The following GALNT15 variants were observed in gnomAD, a reference collection of about 807,000 sequenced individuals.
GALNT15 encodes UDP-GalNAc transferase T15.
GALNT15 carries 67 observed loss-of-function variants against 66.8 expected under a neutral mutation model. The observed-to-expected ratio is 1.00, with a 90% CI of 0.82 to 1.23. GALNT15 has a LOEUF of 1.23. GALNT15 is among the 50% of genes most tolerant of loss of function. The pLI is 0.00. For synonymous variants in GALNT15, 313 were observed against 311.5 expected (o/e 1.00, Z -0.05); for missense variants, 827 against 804.3 (o/e 1.03, Z -0.34).
chr3:16,222,481 T>C lies in GALNT15; in HGVS notation c.1630-134T>C, dbSNP rs533820823. ...TGTTTTTGGACTTGACCATGAGATA[T>C]GGTCTTTCTGACCCCGATAGAATCT... is the stretch of plus-strand genomic sequence containing the variant. On this transcript the variant is annotated intron_variant, in intron 8 of 9. Transcript: ENST00000339732. 516 of 1,050,556 alleles carry C rather than the reference T, an allele frequency of 4.9e-4. 1 individual carries two copies. The highest frequency in any genetic ancestry group is 6.9e-4 in the Non-Finnish European group (483 of 703,282). 65.1% of individuals were successfully genotyped at this position (1,050,556 alleles called of 1,614,324 possible).
At chr3:16,207,779 A>G (rs1416967214) in intron 3 of GALNT15, among the ~76,000 whole-genome samples, 5 of 152,138 alleles carry the variant, frequency 3.3e-5, no homozygotes, top group South Asian at 2.1e-4. Context: ...AATATTTTTT[A>G]TATGGACATG....
At chr3:16,179,491 T>C (rs2063446986) in intron 1 of GALNT15, among the ~76,000 whole-genome samples, 1 of 152,130 alleles carries the variant, frequency 6.6e-6, no homozygotes. Context: ...GCATCCTTGA[T>C]GGTGCTGAGG....
At position 16,204,881 on chromosome 3, in the gene GALNT15, G is replaced by A. The variant is rs1409544099; in HGVS notation, c.912-3622G>A. On this transcript the variant is annotated intron_variant, in intron 3 of 9. Transcript: ENST00000339732. The surrounding 1 kb of genome is among the most constrained non-coding windows in gnomAD (Gnocchi z 4.5). ...AGCAGTGTAAGAACCCCTTGTGCTT[G>A]TGCATGTGAGTCAGTGTGTGTGTGT... 1.3e-5 allele frequency among the ~76,000 whole-genome samples: 2 copies of A among 152,218 alleles called. No individual in the cohort carries two copies. Among genetic ancestry groups the A allele is most frequent in the Admixed American group, 6.5e-5 (1 of 15,286 alleles).
rs1491187404 is a variant in GALNT15, at chr3:16,203,543, T to TCTCTCTCTCACACA, written c.911+2721_911+2722insTCTCTCTCACACAC. On this transcript the variant is annotated intron_variant, in intron 3 of 9. Transcript: ENST00000339732. The surrounding 1 kb of genome is among the most constrained non-coding windows in gnomAD (Gnocchi z 6.2). The stretch of plus-strand genomic sequence containing the variant: ...CATTCTCTCTCTCTCTCTCTCTCTC[T>TCTCTCTCTCACACA]CACACACACACACACACACACACAC... 1.6e-5 allele frequency among the ~76,000 whole-genome samples: 1 copy of TCTCTCTCTCACACA among 61,106 alleles called. No homozygotes were observed. Among genetic ancestry groups the TCTCTCTCTCACACA allele is most frequent in the African/African-American group, 5.5e-5 (1 of 18,252 alleles). The allele number at this position is 61,106 out of a possible 152,430, so 40.1% of individuals were successfully genotyped here.
Position 16,176,723 on chromosome 3 carries a change from A to G in GALNT15, c.539+1033A>G, listed in dbSNP as rs1178256017. 6.6e-6 allele frequency among the ~76,000 whole-genome samples: 1 copy of G among 152,158 alleles called. No homozygotes were observed. The highest frequency in any genetic ancestry group is 1.5e-5 in the Non-Finnish European group (1 of 68,022). ...ATTTAGGTCCCTTTTCCTATAGGCC[A>G]TTGCTCCTCCCAGAGCCTGGAGAGT... On this transcript the variant is annotated intron_variant, in intron 1 of 9. Transcript: ENST00000339732. The surrounding 1 kb of genome is among the most constrained non-coding windows in gnomAD (Gnocchi z 5.6).
chr3:16,203,155 G>A lies in GALNT15; in HGVS notation c.911+2332G>A, dbSNP rs1051490411. Among the ~76,000 whole-genome samples the A allele has an allele frequency of 6.6e-6, 1 of 152,090 alleles. No homozygotes were observed. The highest frequency in any genetic ancestry group is 6.5e-5 in the Admixed American group (1 of 15,272). On this transcript the variant is annotated intron_variant, in intron 3 of 9. Coordinates refer to ENST00000339732, the MANE Select transcript of GALNT15 (RefSeq NM_054110.5). The surrounding 1 kb of genome is among the most constrained non-coding windows in gnomAD (Gnocchi z 6.2). ...GCTGAGTCAGATTTTCTGACTCTGGGTCCAGTGCTGTTTTTATTGTGTACA... is the reference window on the plus strand; with the variant it reads ...GCTGAGTCAGATTTTCTGACTCTGGATCCAGTGCTGTTTTTATTGTGTACA...
the GALNT15 span, chr3:16,244,091 C>T: frequency 2.5e-6 from 2 of 788,912 alleles, no homozygotes; most frequent in Admixed American, 6.2e-5. Flanking sequence ...ACAATCAAGA[C>T]AGAAGAACAG....
In GALNT15 at chr3:16,189,920, T is replaced by C. The variant is rs949078017; in HGVS notation, c.540-5840T>C. ...GTCTGGAGACTGTTGAAAGCAAGGA[T>C]AGTTCTCAGAGAGCTTATGGTACTT... On this transcript the variant is annotated intron_variant, in intron 1 of 9. Transcript: ENST00000339732. This position sits in a 1 kb window ranked among gnomAD's most constrained non-coding sequence, Gnocchi z 5.1. Among the ~76,000 whole-genome samples, 1 of 152,188 alleles carries C rather than the reference T, an allele frequency of 6.6e-6. No homozygotes were observed. The highest frequency in any genetic ancestry group is 2.4e-5 in the African/African-American group (1 of 41,436).
chr3:16,202,145 C>A (rs996662474), intron 3 of GALNT15, among the ~76,000 whole-genome samples: 1 of 152,200 alleles, frequency 6.6e-6, no homozygotes, highest in Non-Finnish European at 1.5e-5. Context: ...TGGTTTCAAA[C>A]GTTCAAATGA....
chr3:16,245,684 T>C, the GALNT15 span, among the ~76,000 whole-genome samples: 1 of 152,154 alleles, frequency 6.6e-6, no homozygotes, highest in Non-Finnish European at 1.5e-5. Context: ...AAGGAAGGGT[T>C]CCCCAATCCA....
rs959432169 is a variant in GALNT15, at chr3:16,182,694, TACTCTA to T, written c.539+7008_539+7013del. ...CTTGTCACTAACAACCACTGCCCTC[TACTCTA>T]ACTGTGGTCCAGGAACCAACAGCAT... On this transcript the variant is annotated intron_variant, in intron 1 of 9. Transcript: ENST00000339732. This position sits in a 1 kb window ranked among gnomAD's most constrained non-coding sequence, Gnocchi z 6.1. 11 of 152,228 alleles carry T rather than the reference TACTCTA, an allele frequency of 7.2e-5. No individual in the cohort carries two copies. The highest frequency in any genetic ancestry group is 7.3e-5 in the Non-Finnish European group (5 of 68,060). 9.4% of individuals were successfully genotyped at this position (152,228 alleles called of 1,614,324 possible). A position where few individuals can be genotyped will look rare whatever the true frequency, so the allele number is the denominator to read the frequency against.
intron 2 of GALNT15, among the ~76,000 whole-genome samples, chr3:16,196,742 C>T (rs62235209): frequency 0.055 from 8,355 of 152,278 alleles, 244 homozygotes; most frequent in Middle Eastern, 0.068. Context: ...GGACCACACT[C>T]TGAGAACCTC....
chr3:16,233,094 C>CTTTTTTTTTTTTTTTTTT, downstream of GALNT15, among the ~76,000 whole-genome samples: 442 of 61,174 alleles, frequency 7.2e-3, 114 homozygotes, highest in Middle Eastern at 0.01. Context: ...GATAATGCAT[C>CTTTTTTTTTTTTTTTTTT]TTTTTTTTTT....
In GALNT15 at chr3:16,222,602, G is replaced by T. The variant is rs747176837; in HGVS notation, c.1630-13G>T. The T allele has an allele frequency of 1.2e-6, 2 of 1,614,150 alleles. No individual in the cohort carries two copies. The highest frequency in any genetic ancestry group is 1.1e-5 in the South Asian group (1 of 91,080). ...CTTTCTAGCTGCGCTAACAACTATT[G>T]CTTCTGTCACAGTACCTGCAGCACA... On this transcript the variant is annotated splice_polypyrimidine_tract_variant and intron_variant, in intron 8 of 9. Transcript: ENST00000339732.
In GALNT15 at chr3:16,219,983, T is replaced by C. The variant is rs778337125; in HGVS notation, c.1598T>C (p.Leu533Ser). The C allele has an allele frequency of 6.2e-7, 1 of 1,614,146 alleles. No individual in the cohort carries two copies. Among genetic ancestry groups the C allele is most frequent in the Non-Finnish European group, 8.5e-7 (1 of 1,179,988 alleles). ...GACATCCTGGGCTGTCCCATGGTGTTGGCTCCTTGCAGTGACAGCCGGCAG... is the reference window on the plus strand; with the variant it reads ...GACATCCTGGGCTGTCCCATGGTGTCGGCTCCTTGCAGTGACAGCCGGCAG... ...EGDILGCPMVLAPCSDSRQQQ... is the reference protein window; with the variant it reads ...EGDILGCPMVSAPCSDSRQQQ... Residue 533 changes from leucine (L) to serine (S), a missense_variant, in exon 8 of 10, where the codon TTG becomes TCG. By Grantham distance (145) the Leu-to-Ser change is moderately radical. Transcript: ENST00000339732. This position sits in a 1 kb window ranked among gnomAD's most constrained non-coding sequence, Gnocchi z 4.3.
At position 16,176,139 on chromosome 3, in the gene GALNT15, T is replaced by C. The variant is rs542347938; in HGVS notation, c.539+449T>C. Among the ~76,000 whole-genome samples, 1 of 152,366 alleles carries C rather than the reference T, an allele frequency of 6.6e-6. No individual in the cohort carries two copies. Among genetic ancestry groups the C allele is most frequent in the South Asian group, 2.1e-4 (1 of 4,832 alleles). On this transcript the variant is annotated intron_variant, in intron 1 of 9. Transcript: ENST00000339732. The surrounding 1 kb of genome is among the most constrained non-coding windows in gnomAD (Gnocchi z 5.6). ...CCACTACATTTTGATTTTAGGGTTATTGTTAGTGTTTGCTTTTAGTTTGGA... is the reference window on the plus strand; with the variant it reads ...CCACTACATTTTGATTTTAGGGTTACTGTTAGTGTTTGCTTTTAGTTTGGA...
intron 3 of GALNT15, among the ~76,000 whole-genome samples, chr3:16,205,443 C>T (rs1213684802): frequency 6.6e-6 from 1 of 152,214 alleles, no homozygotes; most frequent in African/African-American, 2.4e-5. Context: ...TTGTTGGCAG[C>T]TTGACTCCTT....
chr3:16,212,168 G>A (rs541342091), intron 5 of GALNT15, among the ~76,000 whole-genome samples: 1 of 152,278 alleles, frequency 6.6e-6, no homozygotes, highest in East Asian at 1.9e-4. Flanking sequence ...TGTCTTTGTA[G>A]CACACTTCAC....
the GALNT15 span, among the ~76,000 whole-genome samples, chr3:16,240,337 C>T: frequency 6.6e-5 from 10 of 152,288 alleles, no homozygotes; most frequent in South Asian, 2.1e-4. Flanking sequence ...GGCCTTGTCC[C>T]GTGTGTTTTC....
Sources: allele counts gnomAD v4.1 joint callset (sites outside exome capture counted in the v4.1 genomes callset), GRCh38; gene constraint gnomAD v4.1.1; non-coding constraint Gnocchi (gnomAD v3.1); transcripts MANE v1.5; gene names NCBI Gene and HGNC (gene_info 2026-07-23, HGNC 2026-07-21).